INTS6: variants seen among roughly 807,000 people sequenced by gnomAD.
The protein encoded by INTS6 is DEAD box protein.
Under a neutral mutation model 104.9 loss-of-function variants are expected in INTS6, and 16 were observed. That is an observed-to-expected ratio of 0.15 (90% CI 0.10 to 0.23). INTS6 has a LOEUF of 0.23. Ranked by LOEUF, INTS6 falls within the 10% of genes least tolerant of loss-of-function variation. INTS6 has a pLI of 1.00. For synonymous variants in INTS6, 324 were observed against 358.7 expected, an observed-to-expected ratio of 0.90 and a Z score of 1.09; for missense variants, 584 against 1,062.8, an observed-to-expected ratio of 0.55 and a Z score of 6.26.
At chr13:51,347,028 G>GGGGCCCCAGTGA in the INTS6 span, 2 of 1,575,916 alleles carry the variant, frequency 1.3e-6, no homozygotes, top group Non-Finnish European at 8.6e-7. Flanking sequence ...CTTGCAGGTG[G>GGGGCCCCAGTGA]GGGCCCCAGT....
chr13:51,374,042 A>G (rs1955865830), intron 15 of INTS6, among the ~76,000 whole-genome samples, 166 bp downstream of exon 15: 1 of 152,252 alleles, frequency 6.6e-6, no homozygotes, highest in African/African-American at 2.4e-5. Flanking sequence ...TGTTCATTAA[A>G]AAGACATACA....
downstream of INTS6, among the ~76,000 whole-genome samples, chr13:51,359,426 C>A (rs1327129038): frequency 6.6e-6 from 1 of 152,096 alleles, no homozygotes. Context: ...ATGACATAGG[C>A]TATGGACCTT....
rs77696867 is a variant in INTS6 at position 51,422,771 on chromosome 13, C to G, written c.429+7523G>C. On this transcript the variant is annotated intron_variant, in intron 4 of 17. Transcript: ENST00000311234. The stretch of plus-strand genomic sequence containing the variant: ...TCCTGTCTCCTTAGGGTGCTATTAC[C>G]TGCCCTCTACCTACATTTCAAGCTT... Among the ~76,000 whole-genome samples the G allele has an allele frequency of 9.1e-3, 1,384 of 152,194 alleles. 19 individuals are homozygous for G. The highest frequency in any genetic ancestry group is 0.029 in the African/African-American group (1,200 of 41,546).
chr13:51,353,946 G>A (rs1284015711), downstream of INTS6: 2 of 152,040 alleles, frequency 1.3e-5, no homozygotes, highest in Non-Finnish European at 2.9e-5. Context: ...ATTTTTAAAT[G>A]CCTTGTCCCT....
chr13:51,398,669 C>T (rs1380824669), intron 4 of INTS6, among the ~76,000 whole-genome samples: 3 of 151,172 alleles, frequency 2.0e-5, no homozygotes, highest in South Asian at 2.1e-4. Flanking sequence ...CATGAGCATA[C>T]CCTAAAACTC....
At chr13:51,426,801 T>TAGAA (rs1168612085) in intron 4 of INTS6, among the ~76,000 whole-genome samples, 3 of 151,846 alleles carry the variant, frequency 2.0e-5, no homozygotes, top group Non-Finnish European at 4.4e-5. Flanking sequence ...ATCAGATAAA[T>TAGAA]AGAAGGTAAA....
At chr13:51,374,838 T>C (rs1442514434) in intron 13 of INTS6, 42 bp from the exon 14 acceptor site, 1 of 1,601,266 alleles carries the variant, frequency 6.2e-7, no homozygotes, top group East Asian at 2.2e-5. Flanking sequence ...TAACCTCCAA[T>C]TAGTTCTCAA....
the INTS6 span, among the ~76,000 whole-genome samples, chr13:51,341,915 C>T: frequency 2.6e-5 from 4 of 152,142 alleles, no homozygotes; most frequent in Non-Finnish European, 5.9e-5. Context: ...TGCTTTTGAC[C>T]AACCTGCTTT....
At chr13:51,342,929 T>G in the INTS6 span, among the ~76,000 whole-genome samples, 1 of 152,182 alleles carries the variant, frequency 6.6e-6, no homozygotes. Context: ...GAGTCAGTCT[T>G]TTGCAATTGT....
At chr13:51,424,303 C>T (rs991139032) in intron 4 of INTS6, among the ~76,000 whole-genome samples, 23 of 151,916 alleles carry the variant, frequency 1.5e-4, no homozygotes, top group Non-Finnish European at 1.5e-5. Flanking sequence ...GATCAACCAG[C>T]ATTTCTTTTA....
chr13:51,341,727 C>T, the INTS6 span, among the ~76,000 whole-genome samples: 2 of 152,322 alleles, frequency 1.3e-5, no homozygotes, highest in Admixed American at 1.3e-4. Flanking sequence ...GAGGCACTTA[C>T]AAACATTAAT....
intron 15 of INTS6, among the ~76,000 whole-genome samples, chr13:51,370,511 C>T (rs1362344393): frequency 6.6e-6 from 1 of 152,094 alleles, no homozygotes; most frequent in Non-Finnish European, 1.5e-5. Context: ...GCACCAAGTT[C>T]AAGAAGCCAA....
chr13:51,358,500 C>T (rs1438676098), downstream of INTS6, among the ~76,000 whole-genome samples: 2 of 152,100 alleles, frequency 1.3e-5, no homozygotes, highest in Non-Finnish European at 2.9e-5. Flanking sequence ...CCATTCTATG[C>T]CACGCCTTTA....
intron 3 of INTS6, chr13:51,450,065 A>G (rs112830798): frequency 3.0e-5 from 30 of 985,442 alleles, no homozygotes; most frequent in African/African-American, 2.1e-4. Flanking sequence ...GTAGTCACAG[A>G]AAGAATTTCC....
At chr13:51,409,720 A>G (rs1056958824) in intron 4 of INTS6, among the ~76,000 whole-genome samples, 3 of 152,228 alleles carry the variant, frequency 2.0e-5, no homozygotes, top group African/African-American at 7.2e-5. Context: ...AAGCTTCTAG[A>G]TTTCAAGACA....
chr13:51,419,415 G>C (rs1324378041), intron 4 of INTS6, among the ~76,000 whole-genome samples: 1 of 152,116 alleles, frequency 6.6e-6, no homozygotes, highest in African/African-American at 2.4e-5. Context: ...CTCATTTCCT[G>C]CTGCTGTTTT....
chr13:51,347,335 G>A, the INTS6 span: 2 of 1,000,940 alleles, frequency 2.0e-6, no homozygotes, highest in Non-Finnish European at 3.1e-6. Flanking sequence ...ATCGGGATGT[G>A]TTTCCGCAGG....
intron 7 of INTS6, 125 bp downstream of exon 7, chr13:51,387,261 T>C: frequency 1.4e-6 from 1 of 734,288 alleles, no homozygotes; most frequent in South Asian, 3.2e-5. Context: ...TAACAGGGTA[T>C]CATAGCACTT....
Position 51,452,553 on chromosome 13 carries a change from AG to A in INTS6, c.-29del. 6.2e-7 allele frequency: 1 copy of A among 1,605,130 alleles called. No homozygotes were observed. The highest frequency in any genetic ancestry group is 8.5e-7 in the Non-Finnish European group (1 of 1,174,928). ...TGCTGGCCGGGGACACCGGGGCCCGAGGTGGTGGAGAAAGAGGAGATGGTAG... is the reference window on the plus strand; with the variant it reads ...TGCTGGCCGGGGACACCGGGGCCCGAGTGGTGGAGAAAGAGGAGATGGTAG... On this transcript the variant is annotated 5_prime_UTR_variant, in exon 1 of 18. Coordinates refer to ENST00000311234, the MANE Select transcript of INTS6 (RefSeq NM_012141.3). This position sits in a 1 kb window ranked among gnomAD's most constrained non-coding sequence, Gnocchi z 4.2.
Sources: gnomAD v4.1 joint callset for allele counts (sites outside exome capture counted in the v4.1 genomes callset) on GRCh38, gnomAD v4.1.1 for gene constraint, Gnocchi (gnomAD v3.1) non-coding constraint, MANE v1.5 for transcripts, NCBI Gene and HGNC (gene_info 2026-07-23, HGNC 2026-07-21) for gene names.